SPATA2L: variants seen among roughly 807,000 people sequenced by gnomAD.
SPATA2L encodes spermatogenesis-associated protein 2-like protein.
In SPATA2L, 5 loss-of-function variants were observed where a neutral mutation model predicts 8.7. That is an observed-to-expected ratio of 0.57 (90% CI 0.30 to 1.21). SPATA2L has a LOEUF of 1.21. Among genes scored for constraint, SPATA2L ranks in the 50% most tolerant of loss-of-function variants. The pLI is 0.07. For synonymous variants in SPATA2L, 358 were observed against 275.8 expected (o/e 1.30, Z -2.95); for missense variants, 671 against 591.0 (o/e 1.14, Z -1.40).
chr16:89,697,982 C>A lies in SPATA2L; in HGVS notation c.627G>T (p.Pro209=). The A allele has an allele frequency of 6.2e-7, 1 of 1,603,076 alleles. No individual in the cohort carries two copies. The highest frequency in any genetic ancestry group is 8.5e-7 in the Non-Finnish European group (1 of 1,177,308). Residue 209 remains proline (P), a synonymous_variant, in exon 3 of 3, where the codon CCG becomes CCT. Transcript: ENST00000289805. ...LQQRLAQDEE[P]PPLPPRGSPA... ...GGGAGCCTCGGGGGGGCAGGGGTGG[C>A]GGCTCCTCATCCTGGGCCAGCCGCT...
rs2151609797 is a variant in SPATA2L, at chr16:89,697,754, C to T, written c.855G>A (p.Leu285=). The change falls in exon 3 of 3, where the codon CTG becomes CTA. Residue 285 remains leucine, a synonymous_variant. Transcript: ENST00000289805. ...GRAWEPPAEE[L]PQASSPPYGA... ...CATATGGTGGGCTGCTGGCCTGCGG[C>T]AGCTCCTCAGCTGGGGGCTCCCAGG... 2 of 1,603,094 alleles carry T rather than the reference C, an allele frequency of 1.2e-6. No individual in the cohort carries two copies. The highest frequency in any genetic ancestry group is 1.1e-5 in the South Asian group (1 of 89,848).
chr16:89,699,853 C>T (rs1483823881), intron 2 of SPATA2L, among the ~76,000 whole-genome samples: 1 of 152,192 alleles, frequency 6.6e-6, no homozygotes, highest in East Asian at 1.9e-4. Context: ...CCCGGCCTGG[C>T]TGAGTGCTTT....
chr16:89,697,320 G>A lies in SPATA2L; in HGVS notation c.*14C>T. 1 of 1,493,930 alleles carries A rather than the reference G, an allele frequency of 6.7e-7. No homozygotes were observed. The highest frequency in any genetic ancestry group is 1.4e-5 in the South Asian group (1 of 70,342). 92.5% of individuals were successfully genotyped at this position (1,493,930 alleles called of 1,614,324 possible). A position where few individuals can be genotyped will look rare whatever the true frequency, so the allele number is the denominator to read the frequency against. On this transcript the variant is annotated 3_prime_UTR_variant, in exon 3 of 3. Transcript: ENST00000289805. ...GCTGTCTCCCAAGAGCCCTTGACCT[G>A]GGGCCCAGCTGGCCTAGGGCCGGGC... is the stretch of plus-strand genomic sequence containing the variant.
At chr16:89,700,244 A>G (rs1035086663) in intron 2 of SPATA2L, among the ~76,000 whole-genome samples, 1 of 152,224 alleles carries the variant, frequency 6.6e-6, no homozygotes, top group Non-Finnish European at 1.5e-5. Flanking sequence ...CATGAATGAA[A>G]GTCCTGGCGC....
At chr16:89,701,575 G>C (rs1046154294) in intron 1 of SPATA2L, 53 bp downstream of exon 1, 4 of 273,178 alleles carry the variant, frequency 1.5e-5, no homozygotes, top group African/African-American at 8.8e-5. Context: ...CTCCCGACCA[G>C]AGCCCCTTCG....
Position 89,697,998 on chromosome 16 carries a change from G to A in SPATA2L, c.611C>T (p.Ala204Val). 6.3e-7 allele frequency: 1 copy of A among 1,599,148 alleles called. No homozygotes were observed. Among genetic ancestry groups the A allele is most frequent in the Non-Finnish European group, 8.5e-7 (1 of 1,176,938 alleles). Reference sequence around the variant, plus strand: ...CAGGGGTGGCGGCTCCTCATCCTGGGCCAGCCGCTGCTGCAGCCAGGCCAC... The same window carrying A: ...CAGGGGTGGCGGCTCCTCATCCTGGACCAGCCGCTGCTGCAGCCAGGCCAC... ...SCVAWLQQRLAQDEEPPPLPP... is the reference protein window; with the variant it reads ...SCVAWLQQRLVQDEEPPPLPP... The change falls in exon 3 of 3, where the codon GCC becomes GTC. Residue 204 changes from alanine (A) to valine (V), a missense_variant. Ala to Val is a moderately conservative substitution (Grantham distance 64). Transcript: ENST00000289805.
chr16:89,698,671 G>C (rs1359973671), intron 2 of SPATA2L, among the ~76,000 whole-genome samples: 1 of 151,452 alleles, frequency 6.6e-6, no homozygotes, highest in African/African-American at 2.4e-5. Flanking sequence ...ATTTTTAGTA[G>C]AGACAGGGTT....
intron 2 of SPATA2L, among the ~76,000 whole-genome samples, chr16:89,699,495 T>G (rs2060761180): frequency 6.6e-6 from 1 of 152,020 alleles, no homozygotes; most frequent in African/African-American, 2.4e-5. Context: ...TTCAGCGCTC[T>G]CCAGAGGCTG....
Position 89,697,729 on chromosome 16 carries a change from C to T in SPATA2L, c.880G>A (p.Gly294Arg), listed in dbSNP as rs1340382340. Residue 294 changes from glycine (G) to arginine (R), a missense_variant, in exon 3 of 3, where the codon GGG becomes AGG. By Grantham distance (125) the Gly-to-Arg change is moderately radical (BLOSUM62 -2). Transcript: ENST00000289805. ...ELPQASSPPY[G>R]ALEEGLEPEP... ...GGTTCCAGCCCCTCCTCCAAGGCCC[C>T]ATATGGTGGGCTGCTGGCCTGCGGC... 1.4e-5 allele frequency: 22 copies of T among 1,609,942 alleles called. No homozygotes were observed. Among genetic ancestry groups the T allele is most frequent in the Non-Finnish European group, 1.8e-5 (21 of 1,178,642 alleles).
chr16:89,697,390 G>C lies in SPATA2L; in HGVS notation c.1219C>G (p.Leu407Val). ...LLGDAQRRLWLQRAQMDTLLY... is the reference protein window; with the variant it reads ...LLGDAQRRLWVQRAQMDTLLY... ...AGAGTGTCCATCTGTGCACGCTGTA[G>C]CCACAAGCGCCGCTGGGCGTCGCCA... Residue 407 changes from leucine to valine, a missense_variant, in exon 3 of 3, where the codon CTA becomes GTA. Coordinates refer to ENST00000289805, the MANE Select transcript of SPATA2L (RefSeq NM_152339.4). The C allele has an allele frequency of 6.3e-7, 1 of 1,593,368 alleles. No homozygotes were observed. The highest frequency in any genetic ancestry group is 1.1e-5 in the South Asian group (1 of 88,556).
chr16:89,698,312 G>T lies in SPATA2L; in HGVS notation c.304-7C>A, dbSNP rs754566922. 21 of 1,549,190 alleles carry T rather than the reference G, an allele frequency of 1.4e-5. No individual in the cohort carries two copies. In the East Asian group the frequency reaches 4.5e-4, roughly 33 times the overall value. On this transcript the variant is annotated splice_polypyrimidine_tract_variant and splice_region_variant and intron_variant, in intron 2 of 2. Transcript: ENST00000289805. The stretch of plus-strand genomic sequence containing the variant: ...CGTAGCCCCCAGAGAAGGTCTGCAA[G>T]GGAGCGGCCAGGTCAGTGACTGCCC...
rs2060734176 is a variant in SPATA2L, at chr16:89,696,960, CCCGTACT to C, written c.*367_*373del. The C allele has an allele frequency of 1.3e-6, 2 of 1,490,592 alleles. No homozygotes were observed. Among genetic ancestry groups the C allele is most frequent in the Admixed American group, 4.1e-5 (2 of 48,350 alleles). 92.3% of individuals were successfully genotyped at this position (1,490,592 alleles called of 1,614,324 possible). A position where few individuals can be genotyped will look rare whatever the true frequency, so the allele number is the denominator to read the frequency against. On this transcript the variant is annotated 3_prime_UTR_variant, in exon 3 of 3. Coordinates refer to ENST00000289805, the MANE Select transcript of SPATA2L (RefSeq NM_152339.4). The stretch of plus-strand genomic sequence containing the variant: ...CGTGGAGGACCCCCAAGTCCTGAGC[CCCGTACT>C]CCGTACTGCAGGGAGCAGGCCAGGA...
chr16:89,697,023 C>G lies in SPATA2L; in HGVS notation c.*311G>C, dbSNP rs868639196. ...GGGCCTTGGGGCACAGGGTCCTTCT[C>G]AGGGACAGGTTCAGGCACTGGCTGG... On this transcript the variant is annotated 3_prime_UTR_variant, in exon 3 of 3. Coordinates refer to ENST00000289805, the MANE Select transcript of SPATA2L (RefSeq NM_152339.4). 2 of 1,420,042 alleles carry G rather than the reference C, an allele frequency of 1.4e-6. No individual in the cohort carries two copies. The highest frequency in any genetic ancestry group is 1.8e-6 in the Non-Finnish European group (2 of 1,086,852). 88.0% of individuals were successfully genotyped at this position (1,420,042 alleles called of 1,614,324 possible).
chr16:89,700,807 G>A, intron 2 of SPATA2L, 123 bp downstream of exon 2: 4 of 1,103,322 alleles, frequency 3.6e-6, no homozygotes, highest in Non-Finnish European at 2.4e-6. Context: ...GCCTTGAGGA[G>A]CCCACCAGGC....
chr16:89,701,197 C>A lies in SPATA2L; in HGVS notation c.36G>T (p.Gln12His). The A allele has an allele frequency of 6.8e-7, 1 of 1,469,994 alleles. No individual in the cohort carries two copies. Among genetic ancestry groups the A allele is most frequent in the Admixed American group, 2.3e-5 (1 of 43,934 alleles). 91.1% of individuals were successfully genotyped at this position (1,469,994 alleles called of 1,614,324 possible). ...CCCGTCGCAGCTCGCGCTCCAGGCA[C>A]TGGCGGTAGTCCTCGGACAGCGAGC... ...GSSSLSEDYR[Q>H]CLERELRRGR... Residue 12 changes from glutamine (Q) to histidine (H), a missense_variant, in exon 2 of 3, where the codon CAG becomes CAT. Transcript: ENST00000289805.
At chr16:89,700,340 C>T (rs1338213753) in intron 2 of SPATA2L, among the ~76,000 whole-genome samples, 1 of 152,206 alleles carries the variant, frequency 6.6e-6, no homozygotes. Context: ...CCCACGTGCC[C>T]AGTGACGTCA....
intron 2 of SPATA2L, among the ~76,000 whole-genome samples, chr16:89,698,678 G>C (rs558221576): frequency 6.6e-6 from 1 of 151,002 alleles, no homozygotes; most frequent in South Asian, 2.1e-4. Flanking sequence ...GTAGAGACAG[G>C]GTTTCACCAT....
Position 89,697,186 on chromosome 16 carries a change from A to G in SPATA2L, c.*148T>C. 1 of 1,375,920 alleles carries G rather than the reference A, an allele frequency of 7.3e-7. No individual in the cohort carries two copies. Among genetic ancestry groups the G allele is most frequent in the Non-Finnish European group, 9.4e-7 (1 of 1,067,176 alleles). The allele number at this position is 1,375,920 out of a possible 1,614,324, so 85.2% of individuals were successfully genotyped here. On this transcript the variant is annotated 3_prime_UTR_variant, in exon 3 of 3. Coordinates refer to ENST00000289805, the MANE Select transcript of SPATA2L (RefSeq NM_152339.4). ...TCCATATACAGAGAGTCCCACCTCC[A>G]GCAAGGGTTGGCCTGGACTCTCCAA... is the stretch of plus-strand genomic sequence containing the variant.
rs2060773103 is a variant in SPATA2L at position 89,701,093 on chromosome 16, C to T, written c.140G>A (p.Gly47Glu). 6.4e-7 allele frequency: 1 copy of T among 1,566,760 alleles called. No homozygotes were observed. Among genetic ancestry groups the T allele is most frequent in the Non-Finnish European group, 8.6e-7 (1 of 1,162,174 alleles). The change falls in exon 2 of 3, where the codon GGG (glycine) becomes GAG (glutamate). Residue 47 changes from glycine to glutamate, a missense_variant. Transcript: ENST00000289805. ...QILVEDFDLH[G>E]ALQDDALALL... The stretch of plus-strand genomic sequence containing the variant: ...AGCCAGCGCGTCGTCCTGCAGCGCC[C>T]CGTGCAGGTCGAAGTCCTCCACCAG...
Sources: allele counts gnomAD v4.1 joint callset (sites outside exome capture counted in the v4.1 genomes callset), GRCh38; gene constraint gnomAD v4.1.1; transcripts MANE v1.5; gene names NCBI Gene and HGNC (gene_info 2026-07-23, HGNC 2026-07-21).